The following TRAK1 variants were observed in gnomAD, a reference collection of about 807,000 sequenced individuals.
The protein encoded by TRAK1 is trafficking kinesin-binding protein 1.
In TRAK1, 33 loss-of-function variants were observed where a neutral mutation model predicts 92.1. That is an observed-to-expected ratio of 0.36 (90% CI 0.27 to 0.48). The LOEUF is 0.48. Ranked by LOEUF, TRAK1 falls within the 20% of genes least tolerant of loss-of-function variation. The pLI, the probability that TRAK1 is intolerant of heterozygous loss-of-function variation, is 0.99. For missense variants in TRAK1, 1,123 were observed against 1,257.9 expected (o/e 0.89, Z 1.62); for synonymous variants, 521 against 517.3 (o/e 1.01, Z -0.10).
rs767239564 is a variant in TRAK1 at position 42,184,743 on chromosome 3, A to C, written c.422A>C (p.Lys141Thr). ...RIGQSLLKKN[K>T]TLTERNELLE... ...GGCCAGTCGTTGTTGAAGAAGAACA[A>C]GACCCTAACCGAGAGGAACGAGCTG... The change falls in exon 4 of 16, where the codon AAG (lysine) becomes ACG (threonine). Residue 141 changes from lysine (K) to threonine (T), a missense_variant. Physicochemically the swap from Lys to Thr is moderately conservative, Grantham distance 78. Coordinates refer to ENST00000327628, the MANE Select transcript of TRAK1 (RefSeq NM_001042646.3). 7 of 1,614,080 alleles carry C rather than the reference A, an allele frequency of 4.3e-6. No homozygotes were observed. In the African/African-American group the frequency reaches 9.3e-5, roughly 22 times the overall value.
chr3:42,036,427 C>T (rs767124244), intron 1 of TRAK1, among the ~76,000 whole-genome samples: 35 of 152,216 alleles, frequency 2.3e-4, no homozygotes, highest in Non-Finnish European at 4.3e-4. Flanking sequence ...GTTCCTCTTA[C>T]AGCTCTTAGA....
chr3:42,160,091 T>TG, intron 2 of TRAK1: 1 of 996,838 alleles, frequency 1.0e-6, no homozygotes, highest in Non-Finnish European at 1.3e-6. Context: ...AGCAGGGCAT[T>TG]CCCACCCCGC....
intron 1 of TRAK1, among the ~76,000 whole-genome samples, chr3:42,066,426 G>GGAGA (rs138060933): frequency 4.0e-5 from 6 of 149,772 alleles, no homozygotes; most frequent in African/African-American, 1.2e-4. Context: ...GGATGGTCAT[G>GGAGA]GAGAGAGAGA....
rs1576080625 is a variant in TRAK1 at position 42,017,246 on chromosome 3, G to C, written c.-519+3129G>C. The stretch of plus-strand genomic sequence containing the variant: ...ATTGCACTCCTGCCTGGGCGACAGA[G>C]TGAGACTCTGTCTCAAAAACAAAAC... On this transcript the variant is annotated intron_variant, in intron 1 of 16. Transcript: ENST00000487159. Among the ~76,000 whole-genome samples, 3 of 152,320 alleles carry C rather than the reference G, an allele frequency of 2.0e-5. No homozygotes were observed. In the Middle Eastern group the frequency reaches 0.01, roughly 518 times the overall value.
rs374905725 is a variant in TRAK1, at chr3:42,202,055, C to G, written c.1428-381C>G. ...GTTTTGTTCAGAGTTGGGGTCTGGG[C>G]TCTTTTCCTTCAAGAGAAGAGAGAA... On this transcript the variant is annotated intron_variant, in intron 12 of 15. Coordinates refer to ENST00000327628, the MANE Select transcript of TRAK1 (RefSeq NM_001042646.3). The surrounding 1 kb of genome is among the most constrained non-coding windows in gnomAD (Gnocchi z 6.1). 5.8e-4 allele frequency among the ~76,000 whole-genome samples: 89 copies of G among 152,244 alleles called. 1 individual carries two copies. The South Asian group carries it at 0.018, about 31-fold the overall frequency.
chr3:42,187,510 C>A (rs1418554309), intron 4 of TRAK1, among the ~76,000 whole-genome samples: 6 of 151,994 alleles, frequency 3.9e-5, no homozygotes, highest in African/African-American at 1.4e-4. Context: ...CTCTGTTGCC[C>A]AGGCTGGAGT....
At chr3:42,036,154 G>A (rs1335768494) in intron 1 of TRAK1, among the ~76,000 whole-genome samples, 4 of 152,158 alleles carry the variant, frequency 2.6e-5, no homozygotes, top group Non-Finnish European at 5.9e-5. Flanking sequence ...TGGCTGACCT[G>A]GCATCTGGCA....
At chr3:42,151,867 A>G (rs1485215010) in intron 2 of TRAK1, among the ~76,000 whole-genome samples, 2 of 152,218 alleles carry the variant, frequency 1.3e-5, no homozygotes, top group East Asian at 1.9e-4. Flanking sequence ...TGGCATTTGA[A>G]TCGTCAATGA....
intron 1 of TRAK1, among the ~76,000 whole-genome samples, chr3:42,017,206 A>G (rs561641300): frequency 6.6e-6 from 1 of 152,210 alleles, no homozygotes; most frequent in Non-Finnish European, 1.5e-5. Context: ...GGTTGCAGTG[A>G]GCCAAGATTG....
intron 14 of TRAK1, chr3:42,211,072 T>G: frequency 1.0e-6 from 1 of 985,444 alleles, no homozygotes; most frequent in South Asian, 4.7e-5. Flanking sequence ...AAAAAATGAA[T>G]TAACCCTGTG....
Position 42,223,392 on chromosome 3 carries a change from CA to C in TRAK1, c.2519del (p.Asn840ThrfsTer17). On this transcript the variant is annotated frameshift_variant, in exon 16 of 16. Transcript: ENST00000327628. LOFTEE classifies it high-confidence loss of function. This position sits in a 1 kb window ranked among gnomAD's most constrained non-coding sequence, Gnocchi z 6.1. ...SESQTDVSVS[N>X]LNLVDKVRRF... Reference sequence around the variant, plus strand: ...AGAGCCAGACCGACGTGTCCGTCTCCAACCTCAACCTCGTGGACAAAGTCAG... The same window carrying C: ...AGAGCCAGACCGACGTGTCCGTCTCCACCTCAACCTCGTGGACAAAGTCAG... The C allele has an allele frequency of 6.2e-7, 1 of 1,614,228 alleles. No homozygotes were observed. Among genetic ancestry groups the C allele is most frequent in the Non-Finnish European group, 8.5e-7 (1 of 1,180,042 alleles).
chr3:42,074,260 G>A (rs1021517999), intron 1 of TRAK1, among the ~76,000 whole-genome samples: 2 of 152,198 alleles, frequency 1.3e-5, no homozygotes, highest in Non-Finnish European at 2.9e-5. Context: ...CCTTAAACAG[G>A]GTCATGCATG....
chr3:42,127,834 G>T (rs887642270), intron 2 of TRAK1, among the ~76,000 whole-genome samples: 1 of 152,090 alleles, frequency 6.6e-6, no homozygotes, highest in Non-Finnish European at 1.5e-5. Context: ...TGTGTGAAAG[G>T]CTCAGTGTTT....
intron 1 of TRAK1, among the ~76,000 whole-genome samples, chr3:42,063,627 A>C (rs1234402347): frequency 6.6e-6 from 1 of 151,432 alleles, no homozygotes; most frequent in African/African-American, 2.4e-5. Flanking sequence ...CAGAGGTTGC[A>C]GTGAGCTGAG....
intron 2 of TRAK1, chr3:42,160,288 C>G: frequency 1.3e-6 from 2 of 1,581,536 alleles, no homozygotes; most frequent in Non-Finnish European, 1.7e-6. Flanking sequence ...CATGGCTCCT[C>G]TGGGTAGGGG....
intron 1 of TRAK1, among the ~76,000 whole-genome samples, chr3:42,113,029 C>T (rs1425965109): frequency 1.3e-5 from 2 of 152,122 alleles, no homozygotes; most frequent in Non-Finnish European, 2.9e-5. Flanking sequence ...CCTTGACCTC[C>T]CAAAGTGCTG....
At chr3:42,050,210 T>TA (rs1360689298) in intron 1 of TRAK1, among the ~76,000 whole-genome samples, 1 of 151,670 alleles carries the variant, frequency 6.6e-6, no homozygotes, top group Non-Finnish European at 1.5e-5. Flanking sequence ...TCGGGGGTCT[T>TA]ACACTGCTAA....
chr3:42,058,385 T>C (rs1703284694), intron 1 of TRAK1, among the ~76,000 whole-genome samples: 1 of 152,174 alleles, frequency 6.6e-6, no homozygotes, highest in African/African-American at 2.4e-5. Context: ...TTGCCCAGGC[T>C]GGAGTGCAGT....
intron 2 of TRAK1, among the ~76,000 whole-genome samples, chr3:42,135,494 G>A (rs958814511): frequency 2.6e-5 from 4 of 152,176 alleles, no homozygotes; most frequent in Admixed American, 6.5e-5. Context: ...TTGGGTGGCC[G>A]AGGTGGGAGG....
Sources: allele counts gnomAD v4.1 joint callset (sites outside exome capture counted in the v4.1 genomes callset), GRCh38; gene constraint gnomAD v4.1.1; non-coding constraint Gnocchi (gnomAD v3.1); transcripts MANE v1.5; gene names NCBI Gene and HGNC (gene_info 2026-07-23, HGNC 2026-07-21).